The following GPC4 variants were observed in gnomAD, a reference collection of about 807,000 sequenced individuals.
GPC4 encodes the protein glypican 4.
GPC4 carries 10 observed loss-of-function variants against 35.0 expected under a neutral mutation model. The ratio of observed to expected loss-of-function variants is 0.29; its 90% CI spans 0.18 to 0.48. The LOEUF (loss-of-function observed/expected upper bound fraction) is 0.48, where lower values mean the gene tolerates loss of function less well. Among genes scored for constraint, GPC4 ranks in the 20% least tolerant of loss-of-function variants. The probability of loss-of-function intolerance (pLI) is 0.99; values close to 1 mark genes in which losing one functional copy is unlikely to be tolerated. For synonymous variants in GPC4, 167 were observed against 170.2 expected, an observed-to-expected ratio of 0.98 and a Z score of 0.15; for missense variants, 322 against 451.3, an observed-to-expected ratio of 0.71 and a Z score of 2.60.
intron 4 of GPC4, among the ~76,000 whole-genome samples, chrX:133,310,621 G>T (rs2068310686): frequency 8.9e-6 from 1 of 111,839 alleles, no homozygotes; most frequent in African/African-American, 3.3e-5. Context: ...GCTAAATGGT[G>T]TACAGAAACA....
chrX:133,317,071 T>A (rs6654274), intron 3 of GPC4, among the ~76,000 whole-genome samples: 2,190 of 111,841 alleles, frequency 0.02, 56 homozygotes, highest in African/African-American at 0.067. Flanking sequence ...ACTTCCATAT[T>A]AACTCATATA....
intron 1 of GPC4, among the ~76,000 whole-genome samples, chrX:133,387,435 GAAGAA>G (rs758989166): frequency 5.7e-5 from 6 of 105,974 alleles, no homozygotes; most frequent in East Asian, 2.9e-4. Flanking sequence ...ACAGAAAAAG[GAAGAA>G]AAGAAGAGAG....
chrX:133,401,655 A>G (rs1407807910), intron 1 of GPC4, among the ~76,000 whole-genome samples: 1 of 112,157 alleles, frequency 8.9e-6, no homozygotes, highest in Admixed American at 9.5e-5. Flanking sequence ...TCACTGCTTA[A>G]TAATCCATTG....
At position 133,311,346 on chromosome X, in the gene GPC4, C is replaced by T. The variant is rs776789656; in HGVS notation, c.789G>A (p.Val263=). 1 of 1,210,871 alleles carries T rather than the reference C, an allele frequency of 8.3e-7. No homozygotes were observed. Among genetic ancestry groups the T allele is most frequent in the South Asian group, 1.8e-5 (1 of 56,969 alleles). ...YCSHCRGLVT[V]KPCYNYCSNI... is the part of the protein sequence containing the mutation. Reference sequence around the variant, plus strand: ...TTGAGCAGTAGTTGTAACATGGCTTCACAGTCACGAGACCCCGGCAGTGGG... The same window carrying T: ...TTGAGCAGTAGTTGTAACATGGCTTTACAGTCACGAGACCCCGGCAGTGGG... The change falls in exon 4 of 9, where the codon GTG becomes GTA. Residue 263 remains valine, a synonymous_variant. Transcript: ENST00000370828.
intron 1 of GPC4, among the ~76,000 whole-genome samples, chrX:133,397,376 T>C (rs1263596880): frequency 1.8e-5 from 2 of 110,688 alleles, no homozygotes; most frequent in African/African-American, 6.6e-5. Flanking sequence ...CTGGGCGATA[T>C]GGCAAAACTC....
intron 1 of GPC4, among the ~76,000 whole-genome samples, chrX:133,413,039 C>T (rs924182588): frequency 1.2e-4 from 13 of 112,949 alleles, no homozygotes; most frequent in African/African-American, 3.9e-4. Context: ...CGCCAATCAT[C>T]TCCGCTGTGC....
chrX:133,333,039 G>A (rs2068427837), intron 2 of GPC4, among the ~76,000 whole-genome samples: 1 of 112,254 alleles, frequency 8.9e-6, no homozygotes, highest in Non-Finnish European at 1.9e-5. Context: ...TTTCGAGAGA[G>A]GGTGATGAAG....
chrX:133,369,839 C>G (rs908319713), intron 1 of GPC4, among the ~76,000 whole-genome samples: 2 of 111,210 alleles, frequency 1.8e-5, no homozygotes, highest in Non-Finnish European at 3.8e-5. Context: ...TGAGTACTCA[C>G]ATACCAGCTG....
chrX:133,311,431 G>A lies in GPC4; in HGVS notation c.712-8C>T. The stretch of plus-strand genomic sequence containing the variant: ...CTGGGCTGTGGGGTTTACCTAATGT[G>A]TGAAAAGAAAAAAAGACAGTAGTGG... On this transcript the variant is annotated splice_polypyrimidine_tract_variant and splice_region_variant and intron_variant, in intron 3 of 8. Coordinates refer to ENST00000370828, the MANE Select transcript of GPC4 (RefSeq NM_001448.3). The A allele has an allele frequency of 1.7e-6, 2 of 1,207,896 alleles. No homozygotes were observed. The highest frequency in any genetic ancestry group is 1.1e-6 in the Non-Finnish European group (1 of 892,993).
At position 133,301,970 on chromosome X, in the gene GPC4, G is replaced by A. The variant is rs1488880431; in HGVS notation, c.*897C>T. 2 of 110,395 alleles carry A rather than the reference G, an allele frequency of 1.8e-5. No homozygotes were observed. The highest frequency in any genetic ancestry group is 3.8e-5 in the Non-Finnish European group (2 of 52,692). The allele number at this position is 110,395 out of a possible 1,213,427, so 9.1% of individuals were successfully genotyped here. On this transcript the variant is annotated 3_prime_UTR_variant, in exon 9 of 9. Transcript: ENST00000370828. Reference sequence around the variant, plus strand: ...ATGAAAACTAGCACAGGGTGGGCTAGCTAACCTGCCTGGTTTTAAAAAAAA... The same window carrying A: ...ATGAAAACTAGCACAGGGTGGGCTAACTAACCTGCCTGGTTTTAAAAAAAA...
At chrX:133,392,480 G>A (rs2068723971) in intron 1 of GPC4, among the ~76,000 whole-genome samples, 1 of 106,475 alleles carries the variant, frequency 9.4e-6, no homozygotes, top group Non-Finnish European at 1.9e-5. Context: ...GCTTTTCAAT[G>A]ACTTATCACT....
At chrX:133,339,558 CAG>C (rs1394798786) in intron 1 of GPC4, among the ~76,000 whole-genome samples, 1 of 111,950 alleles carries the variant, frequency 8.9e-6, no homozygotes, top group Non-Finnish European at 1.9e-5. Flanking sequence ...ACTTTCCAAT[CAG>C]AGAGATGGCT....
At chrX:133,412,185 A>G (rs2068815769) in intron 1 of GPC4, among the ~76,000 whole-genome samples, 2 of 111,928 alleles carry the variant, frequency 1.8e-5, no homozygotes, top group African/African-American at 6.5e-5. Context: ...GGCTGAATAC[A>G]AGTCACTATA....
intron 1 of GPC4, among the ~76,000 whole-genome samples, chrX:133,393,307 G>C (rs1240049450): frequency 9.0e-6 from 1 of 111,287 alleles, no homozygotes; most frequent in Non-Finnish European, 1.9e-5. Context: ...AAGGACAGAA[G>C]AACCACAAGA....
intron 1 of GPC4, among the ~76,000 whole-genome samples, chrX:133,351,454 C>T (rs923045980): frequency 3.7e-5 from 4 of 107,470 alleles, no homozygotes. Flanking sequence ...CATTAGCCAC[C>T]TGAGAAACAC....
chrX:133,412,016 G>A (rs2068814923), intron 1 of GPC4, among the ~76,000 whole-genome samples: 1 of 111,586 alleles, frequency 9.0e-6, no homozygotes, highest in African/African-American at 3.3e-5. Context: ...AGGCCATCTG[G>A]AATAAAACAT....
chrX:133,356,728 A>G (rs772666293), intron 1 of GPC4, among the ~76,000 whole-genome samples: 21 of 111,373 alleles, frequency 1.9e-4, no homozygotes, highest in Non-Finnish European at 3.6e-4. Context: ...AGCCAAATAA[A>G]TCTCTTTTCT....
chrX:133,412,008 G>C (rs760441135), intron 1 of GPC4, among the ~76,000 whole-genome samples: 1 of 111,472 alleles, frequency 9.0e-6, no homozygotes, highest in Non-Finnish European at 1.9e-5. Context: ...CAAGTGCAAG[G>C]CCATCTGGAA....
chrX:133,377,877 C>CTTTTT (rs59474368), intron 1 of GPC4, among the ~76,000 whole-genome samples: 1 of 86,187 alleles, frequency 1.2e-5, no homozygotes, highest in East Asian at 3.7e-4. Flanking sequence ...TTTTCTTTTT[C>CTTTTT]TTTTTTTTTT....
Sources: gnomAD v4.1 joint callset for allele counts (sites outside exome capture counted in the v4.1 genomes callset) on GRCh38, gnomAD v4.1.1 for gene constraint, MANE v1.5 for transcripts, NCBI Gene and HGNC (gene_info 2026-07-23, HGNC 2026-07-21) for gene names.